NCOA6: variants seen among roughly 807,000 people sequenced by gnomAD.
NCOA6 encodes the protein nuclear receptor coactivator 6, also known as NRC RAP250.
A neutral mutation model predicts 171.4 loss-of-function variants in NCOA6; 49 were observed. That is an observed-to-expected ratio of 0.29 (90% CI 0.23 to 0.36). The LOEUF is 0.36. Ranked by LOEUF, NCOA6 falls within the 10% of genes least tolerant of loss-of-function variation. NCOA6 has a pLI of 1.00. For synonymous variants in NCOA6, 910 were observed against 927.5 expected (o/e 0.98, Z 0.34); for missense variants, 2,248 against 2,554.5 (o/e 0.88, Z 2.59).
intron 4 of NCOA6, 75 bp downstream of exon 4, chr20:34,776,218 C>T (rs1936362557): frequency 6.6e-7 from 1 of 1,520,838 alleles, no homozygotes; most frequent in Non-Finnish European, 8.9e-7. Flanking sequence ...ACAGACAAAG[C>T]AGCACAGAAA....
rs1288615468 is a variant in NCOA6, at chr20:34,742,690, A to G, written c.3566T>C (p.Leu1189Pro). The change falls in exon 11 of 15, where the codon CTG becomes CCG. Residue 1189 changes from leucine to proline, a missense_variant. This residue lies in a region of NCOA6 where 352 missense variants were observed against 419.1 expected (regional missense o/e 0.84). Transcript: ENST00000359003. Reference protein sequence around the residue: ...ATPQQPPVNSLPSSHGHHFPN... With the variant: ...ATPQQPPVNSPPSSHGHHFPN... ...GAAGTGGTGGCCGTGAGAGCTGGGC[A>G]GGGAATTTACAGGGGGTTGCTGGGG... is the stretch of plus-strand genomic sequence containing the variant. 1.2e-6 allele frequency: 2 copies of G among 1,614,136 alleles called. No individual in the cohort carries two copies. The highest frequency in any genetic ancestry group is 3.3e-5 in the Admixed American group (2 of 60,014).
rs553644798 is a variant in NCOA6, at chr20:34,718,838, AGT to A, written c.6149-3475_6149-3474del. On this transcript the variant is annotated intron_variant, in intron 14 of 14. Transcript: ENST00000359003. ...ACTTTAAGGTAAGAAATTCTAGGTA[AGT>A]GATGTAGAGGCTAATGATCCAGTCA... 3.3e-5 allele frequency among the ~76,000 whole-genome samples: 5 copies of A among 152,248 alleles called. No individual in the cohort carries two copies. In the East Asian group the frequency reaches 9.6e-4, roughly 29 times the overall value.
intron 5 of NCOA6, among the ~76,000 whole-genome samples, chr20:34,760,811 T>C (rs2076793322): frequency 6.6e-6 from 1 of 152,220 alleles, no homozygotes; most frequent in Non-Finnish European, 1.5e-5. Flanking sequence ...ATAATTCATA[T>C]ACTATAATAT....
chr20:34,812,856 A>T (rs1261451759), intron 1 of NCOA6, among the ~76,000 whole-genome samples: 1 of 152,100 alleles, frequency 6.6e-6, no homozygotes, highest in African/African-American at 2.4e-5. Flanking sequence ...CTTCTACAAA[A>T]AAAATTTAAA....
In NCOA6 at chr20:34,739,558, A is replaced by C. The variant is rs926170455; in HGVS notation, c.5893+805T>G. 1.3e-4 allele frequency among the ~76,000 whole-genome samples: 20 copies of C among 152,338 alleles called. No individual in the cohort carries two copies. In the South Asian group the frequency reaches 1.9e-3, roughly 14 times the overall value. ...AGAGTACAGTGAGAATGGGGCTATG[A>C]GGACCCATTGTTCTGAAATAGTCAT... On this transcript the variant is annotated intron_variant, in intron 11 of 14. Coordinates refer to ENST00000359003, the MANE Select transcript of NCOA6 (RefSeq NM_014071.5).
intron 1 of NCOA6, among the ~76,000 whole-genome samples, chr20:34,796,997 T>C (rs2078097989): frequency 6.6e-6 from 1 of 152,214 alleles, no homozygotes; most frequent in African/African-American, 2.4e-5. Context: ...AAACGCTTAG[T>C]ATCAATATTT....
At chr20:34,744,340 A>AGAAAAGAT (rs2076239386) in intron 10 of NCOA6, among the ~76,000 whole-genome samples, 1 of 152,234 alleles carries the variant, frequency 6.6e-6, no homozygotes, top group African/African-American at 2.4e-5. Context: ...CCTTACAATC[A>AGAAAAGAT]GAAAAGATAA....
chr20:34,781,792 T>G (rs2077522684), intron 3 of NCOA6, among the ~76,000 whole-genome samples: 1 of 152,226 alleles, frequency 6.6e-6, no homozygotes, highest in Non-Finnish European at 1.5e-5. Context: ...CCTTAAAGAT[T>G]CAGTTTAACC....
intron 1 of NCOA6, among the ~76,000 whole-genome samples, chr20:34,797,305 G>A (rs1005136132): frequency 2.0e-5 from 3 of 152,060 alleles, no homozygotes; most frequent in African/African-American, 7.2e-5. Context: ...GTAGGAGAGG[G>A]CAGAGTCCTG....
At chr20:34,770,186 C>A (rs901549770) in intron 4 of NCOA6, among the ~76,000 whole-genome samples, 2 of 152,006 alleles carry the variant, frequency 1.3e-5, no homozygotes, top group Non-Finnish European at 2.9e-5. Flanking sequence ...ATTACAGGCA[C>A]GTGCCAATAC....
intron 1 of NCOA6, among the ~76,000 whole-genome samples, chr20:34,822,920 G>A (rs1283036638): frequency 6.6e-6 from 1 of 152,160 alleles, no homozygotes; most frequent in Non-Finnish European, 1.5e-5. Context: ...GCAGTTCTGT[G>A]ACTCTGTAAC....
Position 34,775,693 on chromosome 20 carries a change from GAAA to G in NCOA6, c.391+597_391+599del, listed in dbSNP as rs5841181. Among the ~76,000 whole-genome samples, 503 of 133,146 alleles carry G rather than the reference GAAA, an allele frequency of 3.8e-3. 2 individuals carry two copies. The highest frequency in any genetic ancestry group is 6.1e-3 in the Non-Finnish European group (388 of 63,732). 87.3% of individuals were successfully genotyped at this position (133,146 alleles called of 152,430 possible). The stretch of plus-strand genomic sequence containing the variant: ...GTCTCAAAAAAAAAAAAAAAAAAAA[GAAA>G]AAAAAAAGAAAAGAAAATGAATGCT... On this transcript the variant is annotated intron_variant, in intron 4 of 14. Coordinates refer to ENST00000359003, the MANE Select transcript of NCOA6 (RefSeq NM_014071.5).
chr20:34,792,536 G>A lies in NCOA6; in HGVS notation c.-136C>T, dbSNP rs746802126. The A allele has an allele frequency of 7.5e-6, 3 of 398,368 alleles. No individual in the cohort carries two copies. Among genetic ancestry groups the A allele is most frequent in the Non-Finnish European group, 1.3e-5 (3 of 225,942 alleles). 24.7% of individuals were successfully genotyped at this position (398,368 alleles called of 1,614,324 possible). ...GCATTTTTAGGGCTTGGATTTCAAGGTAGCAGCCCAGCAGCCAAATCAAAA... is the reference window on the plus strand; with the variant it reads ...GCATTTTTAGGGCTTGGATTTCAAGATAGCAGCCCAGCAGCCAAATCAAAA... On this transcript the variant is annotated 5_prime_UTR_variant, in exon 2 of 15. Coordinates refer to ENST00000359003, the MANE Select transcript of NCOA6 (RefSeq NM_014071.5).
chr20:34,788,297 C>T (rs2077752181), intron 2 of NCOA6, among the ~76,000 whole-genome samples: 1 of 152,108 alleles, frequency 6.6e-6, no homozygotes, highest in Non-Finnish European at 1.5e-5. Context: ...CTCCTGACCT[C>T]AGGTGATCCA....
intron 8 of NCOA6, among the ~76,000 whole-genome samples, chr20:34,753,018 G>T (rs781464452): frequency 3.3e-5 from 5 of 150,680 alleles, no homozygotes; most frequent in Non-Finnish European, 5.9e-5. Flanking sequence ...ACAAGAATGA[G>T]AAATGACTTT....
intron 14 of NCOA6, among the ~76,000 whole-genome samples, chr20:34,719,618 G>T (rs913937822): frequency 2.0e-5 from 3 of 149,626 alleles, no homozygotes; most frequent in Non-Finnish European, 4.4e-5. Flanking sequence ...GCGACAATCC[G>T]AGACTGTCTC....
chr20:34,736,466 T>C (rs2075961847), intron 12 of NCOA6, among the ~76,000 whole-genome samples: 1 of 152,166 alleles, frequency 6.6e-6, no homozygotes, highest in South Asian at 2.1e-4. Context: ...TTGAGTTCCC[T>C]AGCTGACACT....
Position 34,803,794 on chromosome 20 carries a change from G to A in NCOA6, c.-163-11231C>T, listed in dbSNP as rs1293784327. On this transcript the variant is annotated intron_variant, in intron 1 of 14. Transcript: ENST00000359003. ...GCGGATCACTTGAGGTCAGGAGTTC[G>A]AGAGACCAACCTGGCCAACATCATG... is the stretch of plus-strand genomic sequence containing the variant. Among the ~76,000 whole-genome samples the A allele has an allele frequency of 3.3e-5, 5 of 151,544 alleles. No homozygotes were observed. In the South Asian group the frequency reaches 6.2e-4, roughly 19 times the overall value.
intron 7 of NCOA6, among the ~76,000 whole-genome samples, chr20:34,755,857 C>T (rs1039605259): frequency 6.6e-6 from 1 of 152,164 alleles, no homozygotes; most frequent in Non-Finnish European, 1.5e-5. Flanking sequence ...CTGCCTCAGC[C>T]TCCCAAGTAG....
Sources: allele counts gnomAD v4.1 joint callset (sites outside exome capture counted in the v4.1 genomes callset), GRCh38; gene constraint gnomAD v4.1.1; regional missense constraint gnomAD v4.1.1; transcripts MANE v1.5; gene names NCBI Gene and HGNC (gene_info 2026-07-23, HGNC 2026-07-21).